DIP2C: variants seen among roughly 807,000 people sequenced by gnomAD.
DIP2C encodes the protein disco-interacting protein 2 homolog C.
A neutral mutation model predicts 192.4 loss-of-function variants in DIP2C; 33 were observed. That is an observed-to-expected ratio of 0.17 (90% CI 0.13 to 0.23). DIP2C has a LOEUF of 0.23. Among genes scored for constraint, DIP2C ranks in the 10% least tolerant of loss-of-function variants. The pLI, the probability that DIP2C is intolerant of heterozygous loss-of-function variation, is 1.00. For synonymous variants in DIP2C, 979 were observed against 864.1 expected, an observed-to-expected ratio of 1.13 and a Z score of -2.33; for missense variants, 1,537 against 2,110.1, an observed-to-expected ratio of 0.73 and a Z score of 5.32.
At chr10:518,465 C>A (rs574718683) in intron 1 of DIP2C, among the ~76,000 whole-genome samples, 2 of 152,232 alleles carry the variant, frequency 1.3e-5, no homozygotes, top group African/African-American at 2.4e-5. Flanking sequence ...ATCCTCACCC[C>A]CAACGTGACA....
rs186624716 is a variant in DIP2C at position 553,611 on chromosome 10, T to C, written c.86-67081A>G. On this transcript the variant is annotated intron_variant, in intron 1 of 36. Coordinates refer to ENST00000280886, the MANE Select transcript of DIP2C (RefSeq NM_014974.3). ...TCTTGAGTATGTGCATTGAATACTG[T>C]GGAATTAGGATTTAGTCCATGCCTT... Among the ~76,000 whole-genome samples the C allele has an allele frequency of 1.7e-3, 255 of 152,362 alleles. 1 individual carries two copies. Among genetic ancestry groups the C allele is most frequent in the African/African-American group, 5.8e-3 (240 of 41,574 alleles).
chr10:469,285 T>C (rs1589864170), intron 3 of DIP2C, among the ~76,000 whole-genome samples: 1 of 151,934 alleles, frequency 6.6e-6, no homozygotes, highest in East Asian at 1.9e-4. Flanking sequence ...CTATTATCTT[T>C]TGAGCATTTC....
chr10:598,810 C>G (rs990959695), intron 1 of DIP2C, among the ~76,000 whole-genome samples: 33 of 152,186 alleles, frequency 2.2e-4, no homozygotes, highest in African/African-American at 8.0e-4. Flanking sequence ...GGCCCCAGCC[C>G]GGAGTGGGTC....
chr10:415,348 C>CATT (rs1448694593), intron 7 of DIP2C, among the ~76,000 whole-genome samples: 1 of 152,128 alleles, frequency 6.6e-6, no homozygotes, highest in African/African-American at 2.4e-5. Context: ...GACCCAGGAG[C>CATT]ATTCAGGGGC....
chr10:359,899 G>A (rs1959236419), intron 22 of DIP2C, among the ~76,000 whole-genome samples: 1 of 152,202 alleles, frequency 6.6e-6, no homozygotes, highest in Admixed American at 6.5e-5. Flanking sequence ...GGGACCACAG[G>A]CGTGAGCCAC....
At chr10:639,378 A>G (rs563472954) in intron 1 of DIP2C, among the ~76,000 whole-genome samples, 15 of 132,860 alleles carry the variant, frequency 1.1e-4, no homozygotes, top group African/African-American at 3.5e-4. Flanking sequence ...CGGTCCACAC[A>G]TGGGGATGTG....
chr10:290,911 T>C (rs1028073418), intron 32 of DIP2C, among the ~76,000 whole-genome samples: 3 of 152,234 alleles, frequency 2.0e-5, no homozygotes, highest in African/African-American at 7.2e-5. Context: ...CTGGCAGCTC[T>C]GGGAGCTGTC....
At chr10:462,965 AT>A (rs1424237057) in intron 3 of DIP2C, among the ~76,000 whole-genome samples, 1 of 152,222 alleles carries the variant, frequency 6.6e-6, no homozygotes, top group Non-Finnish European at 1.5e-5. Context: ...AAAATTCAGC[AT>A]CCCTTCATGC....
At chr10:585,476 C>T (rs1338479292) in intron 1 of DIP2C, among the ~76,000 whole-genome samples, 1 of 152,198 alleles carries the variant, frequency 6.6e-6, no homozygotes, top group East Asian at 1.9e-4. Flanking sequence ...TCTATAAAAC[C>T]GGGAAATCCG....
chr10:339,176 A>AAGTC (rs1283786593), intron 29 of DIP2C, among the ~76,000 whole-genome samples: 2 of 152,044 alleles, frequency 1.3e-5, no homozygotes, highest in Admixed American at 1.3e-4. Context: ...TGGGAAAGGG[A>AAGTC]AGTCATTATT....
chr10:325,150 AGAT>A (rs1957217841), intron 31 of DIP2C: 1 of 330,346 alleles, frequency 3.0e-6, no homozygotes, highest in Non-Finnish European at 6.0e-6. Flanking sequence ...CTGTAGTCCC[AGAT>A]GCTGGGGAAG....
chr10:582,169 G>A (rs909696381), intron 1 of DIP2C, among the ~76,000 whole-genome samples: 19 of 152,278 alleles, frequency 1.2e-4, no homozygotes, highest in South Asian at 2.1e-4. Flanking sequence ...ACAAAAACCC[G>A]GTTCCTAACA....
chr10:366,403 A>G lies in DIP2C; in HGVS notation c.2140T>C (p.Cys714Arg). 1 of 1,614,234 alleles carries G rather than the reference A, an allele frequency of 6.2e-7. No homozygotes were observed. The highest frequency in any genetic ancestry group is 8.5e-7 in the Non-Finnish European group (1 of 1,180,040). Residue 714 changes from cysteine to arginine, a missense_variant, in exon 19 of 37, where the codon TGT becomes CGT. This residue lies in a region of DIP2C where 677 missense variants were observed against 989.9 expected (regional missense o/e 0.68). Transcript: ENST00000280886. The stretch of plus-strand genomic sequence containing the variant: ...GGAACCCCGTCTGGCTTCACTGAAC[A>G]CATGATGGCTAAAAGCAAACAGGAA... The part of the protein sequence containing the change: ...VGLVMPGAIM[C>R]SVKPDGVPQL...
intron 1 of DIP2C, among the ~76,000 whole-genome samples, chr10:604,962 G>A (rs958943059): frequency 1.3e-5 from 2 of 152,152 alleles, no homozygotes; most frequent in African/African-American, 2.4e-5. Flanking sequence ...CCAAGGGTGC[G>A]GGGAAAAGGC....
intron 1 of DIP2C, among the ~76,000 whole-genome samples, chr10:496,712 T>TG (rs1844863990): frequency 3.3e-5 from 5 of 151,840 alleles, no homozygotes; most frequent in Middle Eastern, 3.4e-3. Context: ...ACAATGTGAG[T>TG]GCTGAGTGCA....
chr10:300,797 G>A (rs1464529291), intron 32 of DIP2C, among the ~76,000 whole-genome samples: 2 of 150,054 alleles, frequency 1.3e-5, no homozygotes, highest in Admixed American at 1.3e-4. Flanking sequence ...TGGAGAAGCC[G>A]GAACCCAGGG....
chr10:472,585 C>G, intron 2 of DIP2C, 36 bp from the exon 3 acceptor site: 2 of 1,564,482 alleles, frequency 1.3e-6, no homozygotes, highest in South Asian at 1.1e-5. Context: ...TGAGGTGTGA[C>G]TGTACTCAGC....
At chr10:304,702 CAA>C (rs1956223585) in intron 32 of DIP2C, among the ~76,000 whole-genome samples, 1 of 9,578 alleles carries the variant, frequency 1.0e-4, no homozygotes, top group Non-Finnish European at 9.5e-4. Flanking sequence ...CACACTAGCA[CAA>C]ACTCATCTGC....
intron 29 of DIP2C, among the ~76,000 whole-genome samples, chr10:333,625 G>A (rs1564569621): frequency 6.6e-6 from 1 of 152,202 alleles, no homozygotes; most frequent in South Asian, 2.1e-4. Flanking sequence ...GTGGATGTTC[G>A]CTTTCCTTTC....
Sources: allele counts gnomAD v4.1 joint callset (sites outside exome capture counted in the v4.1 genomes callset), GRCh38; gene constraint gnomAD v4.1.1; regional missense constraint gnomAD v4.1.1; transcripts MANE v1.5; gene names NCBI Gene and HGNC (gene_info 2026-07-23, HGNC 2026-07-21).